The following METTL6 variants were observed in gnomAD, a reference collection of about 807,000 sequenced individuals.
The protein encoded by METTL6 is methyltransferase 6, tRNA N3-cytidine, also known as tRNA N(3)-cytidine methyltransferase METTL6.
A neutral mutation model predicts 26.4 loss-of-function variants in METTL6; 22 were observed. The observed-to-expected ratio is 0.83, with a 90% CI of 0.59 to 1.19. METTL6 has a LOEUF of 1.19. Among genes scored for constraint, METTL6 ranks in the 50% most tolerant of loss-of-function variants. METTL6 has a pLI of 0.00. For missense variants in METTL6, 304 were observed against 324.8 expected, an observed-to-expected ratio of 0.94 and a Z score of 0.49; for synonymous variants, 109 against 116.2, an observed-to-expected ratio of 0.94 and a Z score of 0.40.
At chr3:15,391,767 T>C (rs1039214666) in intron 6 of METTL6, among the ~76,000 whole-genome samples, 2 of 151,508 alleles carry the variant, frequency 1.3e-5, no homozygotes, top group African/African-American at 4.8e-5. Flanking sequence ...TTTGTCCTTG[T>C]GATAGTTTGC....
Position 15,426,467 on chromosome 3 carries a change from G to A in METTL6, c.45C>T (p.Thr15=), listed in dbSNP as rs746301841. 7 of 1,614,054 alleles carry A rather than the reference G, an allele frequency of 4.3e-6. No individual in the cohort carries two copies. The highest frequency in any genetic ancestry group is 5.9e-6 in the Non-Finnish European group (7 of 1,180,044). Residue 15 remains threonine (T), a synonymous_variant, in exon 2 of 6, where the codon ACC becomes ACT. Transcript: ENST00000383790. ...QRKGLQARIL[T]SEEEEKLKRD... ...TTTTCAGTTTCTCCTCTTCTTCAGA[G>A]GTGAGAATCCTTGCCTGCAGCCCTT...
intron 5 of METTL6, 120 bp from the exon 6 acceptor site, chr3:15,411,557 T>A (rs954101223): frequency 4.1e-6 from 4 of 976,996 alleles, no homozygotes; most frequent in Non-Finnish European, 5.8e-6. Context: ...AAAACCTCAA[T>A]GCTAAAATTT....
exon 7 of METTL6, chr3:15,383,952 C>A (rs1416598679): frequency 2.5e-5 from 6 of 243,324 alleles, no homozygotes; most frequent in Non-Finnish European, 4.9e-5. Flanking sequence ...GAAGTTAGAA[C>A]CCTAAATCTC....
rs575646119 is a variant in METTL6 at position 15,390,654 on chromosome 3, G to A, written c.*12-6467C>T. On this transcript the variant is annotated intron_variant, in intron 6 of 6. Coordinates refer to the METTL6 transcript ENST00000443029. The stretch of plus-strand genomic sequence containing the variant: ...CTCCTCTCTGGCAGGAGCAGGCTCG[G>A]TGCAGGCCCCATAACAGCATCCAAA... Among the ~76,000 whole-genome samples the A allele has an allele frequency of 2.0e-5, 3 of 152,288 alleles. No homozygotes were observed. In the East Asian group the frequency reaches 5.8e-4, roughly 29 times the overall value.
At chr3:15,409,514 C>A (rs13081119), downstream of METTL6, among the ~76,000 whole-genome samples, 56,995 of 152,082 alleles carry the variant, frequency 0.37, 10,948 homozygotes, top group East Asian at 0.5. Flanking sequence ...TCATCATTTA[C>A]CCCTTGCTAC....
intron 3 of METTL6, among the ~76,000 whole-genome samples, chr3:15,423,440 G>A (rs918030794): frequency 6.6e-6 from 1 of 152,164 alleles, no homozygotes; most frequent in Non-Finnish European, 1.5e-5. Context: ...GTAAGAGGTA[G>A]TGCTTGACTG....
intron 6 of METTL6, among the ~76,000 whole-genome samples, chr3:15,390,576 AGAGT>A (rs929174704): frequency 1.3e-5 from 2 of 152,136 alleles, no homozygotes; most frequent in Admixed American, 6.6e-5. Flanking sequence ...ACCCCTTGTG[AGAGT>A]GAGTGAGTGC....
intron 6 of METTL6, among the ~76,000 whole-genome samples, chr3:15,392,142 A>C (rs919660797): frequency 6.6e-6 from 1 of 152,176 alleles, no homozygotes; most frequent in African/African-American, 2.4e-5. Flanking sequence ...CTATTTCTCC[A>C]CATCCTCTCC....
intron 6 of METTL6, among the ~76,000 whole-genome samples, chr3:15,401,261 G>A (rs540581741): frequency 3.3e-5 from 5 of 152,004 alleles, no homozygotes; most frequent in East Asian, 1.9e-4. Context: ...GGATGGTCTC[G>A]ATCTCCTGAC....
chr3:15,400,261 C>T (rs1400351397), intron 6 of METTL6, among the ~76,000 whole-genome samples: 1 of 152,222 alleles, frequency 6.6e-6, no homozygotes, highest in Non-Finnish European at 1.5e-5. Context: ...GATGTACCCT[C>T]TCCACACCCT....
At chr3:15,385,613 C>T (rs756429316) in intron 6 of METTL6, among the ~76,000 whole-genome samples, 11 of 151,756 alleles carry the variant, frequency 7.2e-5, no homozygotes, top group Admixed American at 2.0e-4. Context: ...AACAAACGAA[C>T]GAACAAAAAA....
At chr3:15,416,038 G>A (rs2124995851) in intron 3 of METTL6, 96 bp from the exon 4 acceptor site, 2 of 1,058,558 alleles carry the variant, frequency 1.9e-6, no homozygotes, top group East Asian at 2.5e-5. Flanking sequence ...ATTTCCACTT[G>A]TATACATAGA....
At chr3:15,420,727 G>A (rs879019173) in intron 3 of METTL6, among the ~76,000 whole-genome samples, 4 of 152,148 alleles carry the variant, frequency 2.6e-5, no homozygotes, top group Admixed American at 1.3e-4. Flanking sequence ...TATGACCAAC[G>A]TAGAGTCAGT....
chr3:15,399,042 C>A (rs551179378), intron 6 of METTL6, among the ~76,000 whole-genome samples: 1 of 152,024 alleles, frequency 6.6e-6, no homozygotes, highest in Admixed American at 6.6e-5. Context: ...GGTCCTACTG[C>A]GCATTACATG....
chr3:15,394,798 T>C (rs1388241135), intron 6 of METTL6, among the ~76,000 whole-genome samples: 1 of 152,192 alleles, frequency 6.6e-6, no homozygotes, highest in Admixed American at 6.5e-5. Context: ...TTCCATGTAG[T>C]TGAGTGGTTT....
chr3:15,400,268 C>T (rs1156727512), intron 6 of METTL6, among the ~76,000 whole-genome samples: 1 of 152,080 alleles, frequency 6.6e-6, no homozygotes, highest in Non-Finnish European at 1.5e-5. Flanking sequence ...CCTCTCCACA[C>T]CCTCTCTGCA....
chr3:15,413,588 C>T, intron 5 of METTL6: 1 of 1,135,232 alleles, frequency 8.8e-7, no homozygotes, highest in South Asian at 1.9e-5. Flanking sequence ...AACAAAAAAA[C>T]CAAACCCCAA....
At chr3:15,418,032 C>T (rs906162321) in intron 3 of METTL6, among the ~76,000 whole-genome samples, 2 of 152,184 alleles carry the variant, frequency 1.3e-5, no homozygotes, top group African/African-American at 2.4e-5. Context: ...CCCACAGCAA[C>T]AACAAACCTC....
At chr3:15,411,610 T>C (rs1036857272) in intron 5 of METTL6, among the ~76,000 whole-genome samples, 173 bp from the exon 6 acceptor site, 1 of 152,182 alleles carries the variant, frequency 6.6e-6, no homozygotes, top group Non-Finnish European at 1.5e-5. Flanking sequence ...TCTCCTCTTC[T>C]ACCCAAACAG....
Sources: allele counts gnomAD v4.1 joint callset (sites outside exome capture counted in the v4.1 genomes callset), GRCh38; gene constraint gnomAD v4.1.1; transcripts MANE v1.5; gene names NCBI Gene and HGNC (gene_info 2026-07-23, HGNC 2026-07-21).